The following SIRPB1 variants were observed in gnomAD, a reference collection of about 807,000 sequenced individuals.
SIRPB1 encodes signal-regulatory protein beta-1.
A neutral mutation model predicts 34.1 loss-of-function variants in SIRPB1; 28 were observed. The observed-to-expected ratio is 0.82, with a 90% confidence interval of 0.61 to 1.12. The LOEUF is 1.12. SIRPB1 is among the 50% of genes most tolerant of loss of function. The probability of loss-of-function intolerance (pLI) is 0.00; values close to 1 mark genes in which losing one functional copy is unlikely to be tolerated. For synonymous variants in SIRPB1, 211 were observed against 203.8 expected (o/e 1.04, Z -0.30); for missense variants, 499 against 507.0 (o/e 0.98, Z 0.15).
intron 1 of SIRPB1, among the ~76,000 whole-genome samples, chr20:1,614,056 T>C (rs73080723): frequency 0.049 from 7,487 of 152,290 alleles, 237 homozygotes; most frequent in Non-Finnish European, 0.074. Context: ...TCAGCTCTTA[T>C]ACAAAGCACT....
intron 4 of SIRPB1, among the ~76,000 whole-genome samples, chr20:1,567,918 G>A (rs987870718): frequency 6.6e-6 from 1 of 152,182 alleles, no homozygotes; most frequent in South Asian, 2.1e-4. Context: ...GGAGCCACAG[G>A]GCAGAAGGAA....
At chr20:1,568,592 TC>T (rs1344908444) in intron 4 of SIRPB1, among the ~76,000 whole-genome samples, 1 of 152,024 alleles carries the variant, frequency 6.6e-6, no homozygotes, top group Non-Finnish European at 1.5e-5. Flanking sequence ...TAGGAGAACT[TC>T]CAAGGTGGAA....
intron 2 of SIRPB1, among the ~76,000 whole-genome samples, chr20:1,577,645 G>C (rs2091335141): frequency 1.4e-5 from 2 of 147,034 alleles, no homozygotes; most frequent in African/African-American, 4.9e-5. Flanking sequence ...ATCACAGAAG[G>C]GTTTCCCAAA....
At chr20:1,617,745 G>T (rs1467587915) in intron 1 of SIRPB1, among the ~76,000 whole-genome samples, 1 of 152,086 alleles carries the variant, frequency 6.6e-6, no homozygotes, top group Non-Finnish European at 1.5e-5. Flanking sequence ...CTCAAATTAG[G>T]CATTCTGCAA....
chr20:1,569,477 AGC>A (rs1321351147), intron 4 of SIRPB1, among the ~76,000 whole-genome samples: 1 of 152,250 alleles, frequency 6.6e-6, no homozygotes, highest in Non-Finnish European at 1.5e-5. Context: ...TGCATGCGTG[AGC>A]AAGTTTTCAG....
intron 4 of SIRPB1, 111 bp downstream of exon 4, chr20:1,570,694 T>TCTATATATAAAG (rs2091217843): frequency 1.0e-6 from 1 of 963,810 alleles, no homozygotes; most frequent in East Asian, 2.4e-5. Context: ...AATGTAGACG[T>TCTATATATAAAG]TAAAATTCTA....
intron 1 of SIRPB1, among the ~76,000 whole-genome samples, chr20:1,615,893 C>A (rs761334966): frequency 6.6e-6 from 1 of 151,836 alleles, no homozygotes; most frequent in African/African-American, 2.4e-5. Context: ...TTTTATTTAC[C>A]TATTTATCAT....
rs1351889169 is a variant in SIRPB1 at position 1,588,378 on chromosome 20, G to C, written c.77-9684C>G. Reference sequence around the variant, plus strand: ...TGAGTCAATCATCCTGTGACTTGATGCCTCTGGTAGCCAGCTGCTGATCCA... The same window carrying C: ...TGAGTCAATCATCCTGTGACTTGATCCCTCTGGTAGCCAGCTGCTGATCCA... On this transcript the variant is annotated intron_variant, in intron 1 of 5. Coordinates refer to ENST00000381605, the MANE Select transcript of SIRPB1 (RefSeq NM_006065.5). Among the ~76,000 whole-genome samples, 2 of 49,212 alleles carry C rather than the reference G, an allele frequency of 4.1e-5. 1 individual carries two copies. The highest frequency in any genetic ancestry group is 2.7e-4 in the African/African-American group (2 of 7,454). 32.3% of individuals were successfully genotyped at this position (49,212 alleles called of 152,430 possible).
At chr20:1,570,734 T>A in intron 4 of SIRPB1, 71 bp downstream of exon 4, 4 of 1,240,938 alleles carry the variant, frequency 3.2e-6, no homozygotes, top group Non-Finnish European at 4.5e-6. Context: ...TAGCTTATTT[T>A]ATGACAAGCA....
chr20:1,567,211 C>T (rs542038419), intron 4 of SIRPB1, among the ~76,000 whole-genome samples: 1 of 152,248 alleles, frequency 6.6e-6, no homozygotes, highest in East Asian at 1.9e-4. Flanking sequence ...AGATGGGTGG[C>T]TCTCTGGGGC....
rs185713905 is a variant in SIRPB1 at position 1,612,513 on chromosome 20, G to T, written c.76+7356C>A. The stretch of plus-strand genomic sequence containing the variant: ...TGGGTATAATTTGTGGGCTGTGCAT[G>T]TAACTGCAAGAGCCTCTGTGGATCA... On this transcript the variant is annotated intron_variant, in intron 1 of 5. Transcript: ENST00000381605. 1.0e-3 allele frequency among the ~76,000 whole-genome samples: 75 copies of T among 72,000 alleles called. 32 individuals are homozygous for T. Among genetic ancestry groups the T allele is most frequent in the African/African-American group, 6.7e-3 (75 of 11,270 alleles). The allele number at this position is 72,000 out of a possible 152,430, so 47.2% of individuals were successfully genotyped here. A position where few individuals can be genotyped will look rare whatever the true frequency, so the allele number is the denominator to read the frequency against.
At chr20:1,568,685 C>T (rs1178662943) in intron 4 of SIRPB1, among the ~76,000 whole-genome samples, 1 of 152,026 alleles carries the variant, frequency 6.6e-6, no homozygotes, top group African/African-American at 2.4e-5. Context: ...CAGCCCCCAG[C>T]CACAGAAAGT....
In SIRPB1 at chr20:1,580,135, AT is replaced by A. The variant is rs2091381680; in HGVS notation, c.77-1442del. ...CATGTTTTACACCTTCCATGTCTAC[AT>A]TTTTTAAGGCGCTTTCAGCAGAGCT... is the stretch of plus-strand genomic sequence containing the variant. On this transcript the variant is annotated intron_variant, in intron 1 of 5. Coordinates refer to ENST00000381605, the MANE Select transcript of SIRPB1 (RefSeq NM_006065.5). Among the ~76,000 whole-genome samples, 2 of 148,292 alleles carry A rather than the reference AT, an allele frequency of 1.3e-5. 1 individual carries two copies. Among genetic ancestry groups the A allele is most frequent in the South Asian group, 4.2e-4 (2 of 4,740 alleles).
At chr20:1,570,258 C>G (rs898402904) in intron 4 of SIRPB1, among the ~76,000 whole-genome samples, 1 of 152,200 alleles carries the variant, frequency 6.6e-6, no homozygotes, top group African/African-American at 2.4e-5. Flanking sequence ...TCAAATATCA[C>G]CATCAGAACA....
rs1224920284 is a variant in SIRPB1 at position 1,576,399 on chromosome 20, T to C, written c.433+1939A>G. Among the ~76,000 whole-genome samples, 3 of 148,096 alleles carry C rather than the reference T, an allele frequency of 2.0e-5. 1 individual carries two copies. Among genetic ancestry groups the C allele is most frequent in the Non-Finnish European group, 4.5e-5 (3 of 66,096 alleles). ...AAGCTGTTAGTAAAGCTATGTGTCT[T>C]CTGGAGGTTCTGTTTTTTTGCCTTT... On this transcript the variant is annotated intron_variant, in intron 2 of 5. Transcript: ENST00000381605.
intron 1 of SIRPB1, among the ~76,000 whole-genome samples, chr20:1,619,605 T>C (rs1213796583): frequency 6.6e-6 from 1 of 152,178 alleles, no homozygotes; most frequent in East Asian, 1.9e-4. Flanking sequence ...TAATGATTCT[T>C]CTCTGCTTTT....
In SIRPB1 at chr20:1,564,593, A is replaced by C. The variant is rs1278676645; in HGVS notation, c.*907T>G. The C allele has an allele frequency of 8.5e-6, 2 of 234,804 alleles. No homozygotes were observed. Among genetic ancestry groups the C allele is most frequent in the Non-Finnish European group, 1.6e-5 (2 of 121,690 alleles). 14.5% of individuals were successfully genotyped at this position (234,804 alleles called of 1,614,324 possible). On this transcript the variant is annotated 3_prime_UTR_variant, in exon 6 of 6. Coordinates refer to ENST00000381605, the MANE Select transcript of SIRPB1 (RefSeq NM_006065.5). Reference sequence around the variant, plus strand: ...GACAGGGAGGGGTGGTGGAGGTGAGAGGTGTGGAGAATAGGGATTTAACTC... The same window carrying C: ...GACAGGGAGGGGTGGTGGAGGTGAGCGGTGTGGAGAATAGGGATTTAACTC...
chr20:1,598,124 A>G lies in SIRPB1; in HGVS notation c.77-19430T>C. On this transcript the variant is annotated intron_variant, in intron 1 of 5. Transcript: ENST00000381605. ...CCCCTTCTCTCAGTCAGAGCCATTC[A>G]AGGAAGGAAGTAGGCAGGAGAGACT... 5.4e-6 allele frequency: 2 copies of G among 371,560 alleles called. 1 individual carries two copies. The highest frequency in any genetic ancestry group is 2.0e-4 in the African/African-American group (2 of 9,900). The allele number at this position is 371,560 out of a possible 1,614,324, so 23.0% of individuals were successfully genotyped here. A position where few individuals can be genotyped will look rare whatever the true frequency, so the allele number is the denominator to read the frequency against.
chr20:1,593,025 C>T lies in SIRPB1; in HGVS notation c.77-14331G>A, dbSNP rs1477511259. Among the ~76,000 whole-genome samples the T allele has an allele frequency of 4.0e-5, 2 of 49,432 alleles. 1 individual carries two copies. 32.4% of individuals were successfully genotyped at this position (49,432 alleles called of 152,430 possible). ...TTTGTTTCCACAGTATGAGTGAGCA[C>T]GTTGGCTAATGTGTAAGTTAGAAAT... is the stretch of plus-strand genomic sequence containing the variant. On this transcript the variant is annotated intron_variant, in intron 1 of 5. Coordinates refer to ENST00000381605, the MANE Select transcript of SIRPB1 (RefSeq NM_006065.5).
Sources: allele counts gnomAD v4.1 joint callset (sites outside exome capture counted in the v4.1 genomes callset), GRCh38; gene constraint gnomAD v4.1.1; transcripts MANE v1.5; gene names NCBI Gene and HGNC (gene_info 2026-07-23, HGNC 2026-07-21).